TENM4: variants seen among roughly 807,000 people sequenced by gnomAD.
The protein encoded by TENM4 is teneurin transmembrane protein 4, also known as teneurin-4.
TENM4 carries 82 observed loss-of-function variants against 243.3 expected under a neutral mutation model. The observed-to-expected ratio is 0.34, with a 90% CI of 0.28 to 0.40. TENM4 has a LOEUF of 0.40. TENM4 is among the 10% of genes least tolerant of loss of function. TENM4 has a pLI of 1.00. For missense variants in TENM4, 3,138 were observed against 3,673.3 expected, an observed-to-expected ratio of 0.85 and a Z score of 3.77; for synonymous variants, 1,412 against 1,456.3, an observed-to-expected ratio of 0.97 and a Z score of 0.69.
intron 9 of TENM4, among the ~76,000 whole-genome samples, chr11:78,868,779 A>T (rs1347729167): frequency 1.3e-5 from 2 of 152,224 alleles, no homozygotes; most frequent in Admixed American, 1.3e-4. Context: ...TCTGTGCATC[A>T]GCAGCTCCAG....
intron 1 of TENM4, among the ~76,000 whole-genome samples, chr11:79,361,602 C>T (rs562358323): frequency 6.6e-6 from 1 of 152,302 alleles, no homozygotes; most frequent in Non-Finnish European, 1.5e-5. Context: ...TCATTGAACT[C>T]TTCAGTCACC....
intron 6 of TENM4, among the ~76,000 whole-genome samples, chr11:79,062,249 C>T (rs1362945811): frequency 6.6e-6 from 1 of 152,218 alleles, no homozygotes; most frequent in Non-Finnish European, 1.5e-5. Flanking sequence ...GCCTGAACCA[C>T]CATGCCCAGC....
chr11:78,925,992 A>G (rs1004160684), intron 6 of TENM4, among the ~76,000 whole-genome samples: 1 of 152,094 alleles, frequency 6.6e-6, no homozygotes, highest in African/African-American at 2.4e-5. Context: ...CATATATTAC[A>G]TAATTATATA....
At chr11:78,836,885 A>C (rs1367515710) in intron 12 of TENM4, among the ~76,000 whole-genome samples, 3 of 152,234 alleles carry the variant, frequency 2.0e-5, no homozygotes, top group East Asian at 1.9e-4. Context: ...ATATGCATAC[A>C]GGTGTGTAAC....
chr11:78,892,716 A>T (rs192848462), intron 7 of TENM4, among the ~76,000 whole-genome samples: 1 of 152,300 alleles, frequency 6.6e-6, no homozygotes, highest in African/African-American at 2.4e-5. Flanking sequence ...GCAACTATCT[A>T]ATTTAAATTT....
At chr11:79,128,008 G>A (rs1055455825) in intron 4 of TENM4, among the ~76,000 whole-genome samples, 13 of 152,160 alleles carry the variant, frequency 8.5e-5, no homozygotes, top group Non-Finnish European at 2.9e-5. Flanking sequence ...TTTATTGAGT[G>A]ACCCAAAAGG....
intron 10 of TENM4, among the ~76,000 whole-genome samples, chr11:78,862,038 T>C (rs1043512779): frequency 6.6e-6 from 1 of 152,224 alleles, no homozygotes; most frequent in Non-Finnish European, 1.5e-5. Context: ...ATTGAGAACA[T>C]GGGCCTATGG....
chr11:79,206,409 C>T (rs1374405449), intron 3 of TENM4, among the ~76,000 whole-genome samples: 1 of 152,146 alleles, frequency 6.6e-6, no homozygotes, highest in African/African-American at 2.4e-5. Flanking sequence ...GCTTTTGTTG[C>T]CAGTGGTAGA....
chr11:79,353,606 T>C (rs1857450432), intron 1 of TENM4, among the ~76,000 whole-genome samples: 1 of 152,126 alleles, frequency 6.6e-6, no homozygotes, highest in Non-Finnish European at 1.5e-5. Flanking sequence ...TGACGCTTGG[T>C]ACCTGAAAAA....
intron 12 of TENM4, among the ~76,000 whole-genome samples, chr11:78,831,181 G>C (rs1227926043): frequency 6.6e-6 from 1 of 152,180 alleles, no homozygotes; most frequent in Non-Finnish European, 1.5e-5. Context: ...AGGCAATTAA[G>C]GGATTAATTG....
chr11:79,354,247 G>C (rs527708124), intron 1 of TENM4, among the ~76,000 whole-genome samples: 14 of 152,204 alleles, frequency 9.2e-5, no homozygotes, highest in Non-Finnish European at 1.6e-4. Context: ...GTTGTTTCCA[G>C]GACAGGACAC....
At chr11:78,983,989 T>C (rs964756611) in intron 6 of TENM4, among the ~76,000 whole-genome samples, 2 of 152,096 alleles carry the variant, frequency 1.3e-5, no homozygotes, top group East Asian at 3.9e-4. Flanking sequence ...TCAAGGGTCA[T>C]GTGGAGAGGA....
chr11:79,418,794 G>C (rs1297664155), intron 1 of TENM4, among the ~76,000 whole-genome samples: 1 of 152,192 alleles, frequency 6.6e-6, no homozygotes, highest in Admixed American at 6.5e-5. Context: ...TTACGTGGCT[G>C]TGTCTTCCAA....
At chr11:78,780,684 A>G (rs1362338415) in intron 16 of TENM4, among the ~76,000 whole-genome samples, 2 of 152,248 alleles carry the variant, frequency 1.3e-5, no homozygotes, top group African/African-American at 4.8e-5. Flanking sequence ...CCCCAGGGCC[A>G]GGGGCTGACT....
intron 1 of TENM4, among the ~76,000 whole-genome samples, chr11:79,314,751 A>G (rs1431786547): frequency 6.6e-6 from 1 of 152,236 alleles, no homozygotes; most frequent in East Asian, 1.9e-4. Context: ...GACATAATCC[A>G]TATACTCATG....
intron 6 of TENM4, chr11:78,962,239 C>T (rs2136535903): frequency 6.6e-6 from 1 of 152,438 alleles, no homozygotes; most frequent in Admixed American, 6.5e-5. Flanking sequence ...GTTGGCTGGG[C>T]CACACCGTTG....
chr11:78,912,034 C>T (rs1050519365), intron 6 of TENM4, among the ~76,000 whole-genome samples: 6 of 152,090 alleles, frequency 3.9e-5, no homozygotes, highest in Non-Finnish European at 8.8e-5. Context: ...AGGACAGAGG[C>T]AGACAAAAGG....
At chr11:78,755,045 G>GACTT (rs1174826581) in intron 19 of TENM4, among the ~76,000 whole-genome samples, 1 of 152,208 alleles carries the variant, frequency 6.6e-6, no homozygotes, top group African/African-American at 2.4e-5. Flanking sequence ...CAGCAGTGAG[G>GACTT]ACTTCTCTTT....
At chr11:78,784,398 G>A (rs1296130206) in intron 16 of TENM4, among the ~76,000 whole-genome samples, 2 of 152,158 alleles carry the variant, frequency 1.3e-5, no homozygotes, top group Non-Finnish European at 2.9e-5. Context: ...GGTTATTGAA[G>A]TGTTCCTTCA....
Sources: allele counts gnomAD v4.1 joint callset (sites outside exome capture counted in the v4.1 genomes callset), GRCh38; gene constraint gnomAD v4.1.1; transcripts MANE v1.5; gene names NCBI Gene and HGNC (gene_info 2026-07-23, HGNC 2026-07-21).